EBF3: variants seen among roughly 807,000 people sequenced by gnomAD.
The protein encoded by EBF3 is transcription factor COE3.
In EBF3, 18 loss-of-function variants were observed where a neutral mutation model predicts 77.1. The ratio of observed to expected loss-of-function variants is 0.23; its 90% confidence interval spans 0.16 to 0.35. The LOEUF (loss-of-function observed/expected upper bound fraction) is 0.35, where lower values mean the gene tolerates loss of function less well. EBF3 is among the 10% of genes least tolerant of loss of function. The pLI, the probability that EBF3 is intolerant of heterozygous loss-of-function variation, is 1.00. For missense variants in EBF3, 558 were observed against 860.0 expected (o/e 0.65, Z 4.39); for synonymous variants, 350 against 343.5 (o/e 1.02, Z -0.21).
At position 129,877,999 on chromosome 10, in the gene EBF3, T is replaced by C. The variant is rs1178490464; in HGVS notation, c.555-150A>G. The C allele has an allele frequency of 6.3e-6, 4 of 638,420 alleles. No individual in the cohort carries two copies. In the South Asian group the frequency reaches 8.3e-5, roughly 13 times the overall value. 39.5% of individuals were successfully genotyped at this position (638,420 alleles called of 1,614,324 possible). A position where few individuals can be genotyped will look rare whatever the true frequency, so the allele number is the denominator to read the frequency against. On this transcript the variant is annotated intron_variant, in intron 6 of 16. Transcript: ENST00000440978. ...AGGGGGCGACATTGAGAAGAGGCTC[T>C]GGGAGAGGCGGCGAGGAGGCACCCA...
intron 6 of EBF3, among the ~76,000 whole-genome samples, chr10:129,930,492 A>ATATACC: frequency 7.3e-6 from 1 of 137,806 alleles, no homozygotes; most frequent in East Asian, 2.2e-4. Flanking sequence ...TCCCCCTCTC[A>ATATACC]TATATCTATA....
intron 11 of EBF3, among the ~76,000 whole-genome samples, chr10:129,843,835 A>T (rs1247306415): frequency 6.6e-6 from 1 of 152,264 alleles, no homozygotes; most frequent in African/African-American, 2.4e-5. Flanking sequence ...AAAGGACTTC[A>T]TAAATGCCTT....
intron 10 of EBF3, among the ~76,000 whole-genome samples, chr10:129,859,367 G>A (rs1004269557): frequency 2.1e-4 from 32 of 152,034 alleles, no homozygotes; most frequent in Admixed American, 1.8e-3. Context: ...GACTACAGGC[G>A]TGCGCCACCA....
intron 6 of EBF3, among the ~76,000 whole-genome samples, chr10:129,912,018 A>G (rs1015527364): frequency 6.6e-6 from 1 of 152,188 alleles, no homozygotes; most frequent in African/African-American, 2.4e-5. Flanking sequence ...CCGGGTGTGC[A>G]CGTCCACCTG....
At chr10:129,846,037 G>A (rs990052942) in intron 11 of EBF3, 11 of 148,686 alleles carry the variant, frequency 7.4e-5, no homozygotes, top group East Asian at 4.0e-4. Context: ...ACTTAGAGAC[G>A]TCTTCCCTTC....
intron 6 of EBF3, among the ~76,000 whole-genome samples, chr10:129,921,570 G>C (rs979559305): frequency 6.6e-6 from 1 of 152,222 alleles, no homozygotes; most frequent in East Asian, 1.9e-4. Flanking sequence ...ACCGGCTCCT[G>C]TTTCAAAGGT....
At chr10:129,916,322 G>A (rs1299031496) in intron 6 of EBF3, among the ~76,000 whole-genome samples, 2 of 152,172 alleles carry the variant, frequency 1.3e-5, no homozygotes. Context: ...CTCAGGCTCC[G>A]CAACTTCAAA....
chr10:129,895,076 T>C (rs1270820969), intron 6 of EBF3, among the ~76,000 whole-genome samples: 1 of 152,194 alleles, frequency 6.6e-6, no homozygotes, highest in Non-Finnish European at 1.5e-5. Context: ...TAAGGCCAGG[T>C]TCAGCCCCTT....
chr10:129,839,042 T>C (rs1292456574), intron 16 of EBF3, 41 bp downstream of exon 16: 1 of 1,303,778 alleles, frequency 7.7e-7, no homozygotes, highest in South Asian at 1.2e-5. Context: ...CTTCATACGC[T>C]AACGGATGTT....
intron 8 of EBF3, among the ~76,000 whole-genome samples, chr10:129,872,600 A>C (rs1365067105): frequency 6.6e-6 from 1 of 152,216 alleles, no homozygotes; most frequent in African/African-American, 2.4e-5. Context: ...CTTTGCTCTA[A>C]AGGATTCGAT....
intron 6 of EBF3, among the ~76,000 whole-genome samples, chr10:129,931,311 C>A (rs1857012738): frequency 6.6e-6 from 1 of 152,206 alleles, no homozygotes; most frequent in Non-Finnish European, 1.5e-5. Flanking sequence ...GTAGACACAG[C>A]CCTTTAAGGG....
intron 6 of EBF3, among the ~76,000 whole-genome samples, chr10:129,915,461 TGC>T (rs1656345573): frequency 1.7e-5 from 2 of 115,956 alleles, no homozygotes; most frequent in Non-Finnish European, 3.4e-5. Context: ...CGCGCACACA[TGC>T]ACACACACAC....
At chr10:129,851,599 C>T (rs985297217) in intron 10 of EBF3, among the ~76,000 whole-genome samples, 20 of 152,096 alleles carry the variant, frequency 1.3e-4, no homozygotes, top group Non-Finnish European at 2.6e-4. Flanking sequence ...CATGGAATTC[C>T]ACATATCTGG....
At chr10:129,905,383 A>G (rs184595177) in intron 6 of EBF3, among the ~76,000 whole-genome samples, 49 of 152,354 alleles carry the variant, frequency 3.2e-4, no homozygotes, top group African/African-American at 1.1e-3. Context: ...TGAAATAATA[A>G]TCTTTTGGCT....
chr10:129,840,137 TGCA>T, intron 15 of EBF3, 105 bp downstream of exon 15: 1 of 1,389,904 alleles, frequency 7.2e-7, no homozygotes, highest in South Asian at 1.4e-5. Flanking sequence ...CGGGAGAACA[TGCA>T]GCAGTCACAG....
chr10:129,901,824 C>T (rs1341554948), intron 6 of EBF3, among the ~76,000 whole-genome samples: 1 of 152,332 alleles, frequency 6.6e-6, no homozygotes, highest in Admixed American at 6.5e-5. Flanking sequence ...GTGGCGAGGG[C>T]TGCAACGCAC....
In EBF3 at chr10:129,906,274, G is replaced by A. The variant is rs766075387; in HGVS notation, c.555-28425C>T. On this transcript the variant is annotated intron_variant, in intron 6 of 16. Transcript: ENST00000440978. ...GTGTTAAATTTATTACTGCCAAGAA[G>A]AGCTCTCTTTCAATAATATTAAGAA... 4.7e-4 allele frequency among the ~76,000 whole-genome samples: 71 copies of A among 152,186 alleles called. 1 individual carries two copies. The highest frequency in any genetic ancestry group is 1.6e-4 in the Non-Finnish European group (11 of 68,034).
chr10:129,942,113 C>T (rs1196417875), intron 6 of EBF3, among the ~76,000 whole-genome samples: 1 of 152,236 alleles, frequency 6.6e-6, no homozygotes, highest in African/African-American at 2.4e-5. Flanking sequence ...CACCAGGCCT[C>T]TCTCAGCATG....
Position 129,963,795 on chromosome 10 carries a change from C to G in EBF3, c.-27G>C. 1 of 1,492,428 alleles carries G rather than the reference C, an allele frequency of 6.7e-7. No individual in the cohort carries two copies. The allele number at this position is 1,492,428 out of a possible 1,614,324, so 92.4% of individuals were successfully genotyped here. ...AAAACTGCTGGCGGCGGCCGCAGCT[C>G]CCGGCCGAAAGCGTTTCCTCGAGCA... On this transcript the variant is annotated 5_prime_UTR_variant, in exon 1 of 17. Coordinates refer to ENST00000440978, the MANE Select transcript of EBF3 (RefSeq NM_001375380.1). This position sits in a 1 kb window ranked among gnomAD's most constrained non-coding sequence, Gnocchi z 7.1.
Sources: gnomAD v4.1 joint callset for allele counts (sites outside exome capture counted in the v4.1 genomes callset) on GRCh38, gnomAD v4.1.1 for gene constraint, Gnocchi (gnomAD v3.1) non-coding constraint, MANE v1.5 for transcripts, NCBI Gene and HGNC (gene_info 2026-07-23, HGNC 2026-07-21) for gene names.